The following ACCSL variants were observed in gnomAD, a reference collection of about 807,000 sequenced individuals.
ACCSL encodes probable inactive 1-aminocyclopropane-1-carboxylate synthase-like protein 2.
In ACCSL, 55 loss-of-function variants were observed where a neutral mutation model predicts 61.7. The observed-to-expected ratio is 0.89, with a 90% CI of 0.72 to 1.12. The LOEUF is 1.12. Among genes scored for constraint, ACCSL ranks in the 50% most tolerant of loss-of-function variants. The probability of loss-of-function intolerance (pLI) is 0.00; values close to 1 mark genes in which losing one functional copy is unlikely to be tolerated. For synonymous variants in ACCSL, 258 were observed against 264.3 expected, an observed-to-expected ratio of 0.98 and a Z score of 0.23; for missense variants, 632 against 698.0, an observed-to-expected ratio of 0.91 and a Z score of 1.07.
the ACCSL span, among the ~76,000 whole-genome samples, chr11:43,954,221 C>G: frequency 6.6e-6 from 1 of 152,102 alleles, no homozygotes; most frequent in Non-Finnish European, 1.5e-5. Context: ...AGTATCATAC[C>G]GAAGCGGCCT....
chr11:43,925,205 TC>T, the ACCSL span: 1 of 330,558 alleles, frequency 3.0e-6, no homozygotes, highest in Admixed American at 3.7e-5. Context: ...GCTGGTGAAC[TC>T]CCGTGCACAT....
the ACCSL span, among the ~76,000 whole-genome samples, chr11:43,939,104 T>G: frequency 6.6e-6 from 1 of 152,220 alleles, no homozygotes; most frequent in African/African-American, 2.4e-5. Context: ...AATATTTTGC[T>G]AAAAGCAACA....
chr11:43,995,786 A>C, the ACCSL span, among the ~76,000 whole-genome samples: 1,373 of 152,320 alleles, frequency 9.0e-3, 8 homozygotes, highest in African/African-American at 0.03. Context: ...GCCAGACCAC[A>C]CAGGGCCAAA....
At position 44,056,232 on chromosome 11, in the gene ACCSL, CAAGG is replaced by C. The variant is rs1565159952; in HGVS notation, c.1235_1238del (p.Lys412ArgfsTer6). ...GCTTTGGTGCTCTGTATACCCACAA[CAAGG>C]AGGTGGCCTCTGCTGTGAGTGCCTT... On this transcript the variant is annotated frameshift_variant, in exon 11 of 14. Coordinates refer to ENST00000378832, the MANE Select transcript of ACCSL (RefSeq NM_001031854.2). LOFTEE classifies it high-confidence loss of function. 6.2e-7 allele frequency: 1 copy of C among 1,614,114 alleles called. No homozygotes were observed. Among genetic ancestry groups the C allele is most frequent in the South Asian group, 1.1e-5 (1 of 91,088 alleles).
chr11:44,048,621 AT>A, intron 1 of ACCSL, 81 bp downstream of exon 1: 1 of 1,358,502 alleles, frequency 7.4e-7, no homozygotes, highest in Non-Finnish European at 1.0e-6. Context: ...GCCAAGTGCT[AT>A]ATATGCTCTC....
the ACCSL span, among the ~76,000 whole-genome samples, chr11:43,961,254 G>T: frequency 4.1e-4 from 63 of 151,984 alleles, no homozygotes; most frequent in African/African-American, 1.4e-3. Flanking sequence ...ATGAAGATAT[G>T]GTGTGCTTAC....
Position 44,056,346 on chromosome 11 carries a change from A to G in ACCSL, c.1327+20A>G, listed in dbSNP as rs769425348. The G allele has an allele frequency of 5.6e-6, 9 of 1,608,056 alleles. No individual in the cohort carries two copies. The highest frequency in any genetic ancestry group is 7.6e-6 in the Non-Finnish European group (9 of 1,177,206). ...ACACAGGTACTGAGCTCTAGCACAG[A>G]CCAGCATGTTGGCTGGACCTCATGG... is the stretch of plus-strand genomic sequence containing the variant. On this transcript the variant is annotated intron_variant, in intron 11 of 13. Transcript: ENST00000378832.
the ACCSL span, among the ~76,000 whole-genome samples, chr11:44,008,741 T>G: frequency 6.6e-6 from 1 of 152,178 alleles, no homozygotes; most frequent in Non-Finnish European, 1.5e-5. Context: ...AGGCACCTAG[T>G]GACATGTGCT....
the ACCSL span, among the ~76,000 whole-genome samples, chr11:43,987,917 G>A: frequency 6.6e-6 from 1 of 152,142 alleles, no homozygotes; most frequent in Non-Finnish European, 1.5e-5. Context: ...TTCAGACAAT[G>A]CTTCTTCCCC....
the ACCSL span, among the ~76,000 whole-genome samples, chr11:43,987,124 T>G: frequency 6.6e-6 from 1 of 152,172 alleles, no homozygotes; most frequent in Non-Finnish European, 1.5e-5. Flanking sequence ...AATGGATCCT[T>G]GACTCCCCTG....
intron 3 of ACCSL, among the ~76,000 whole-genome samples, chr11:44,050,823 T>C (rs974540969): frequency 2.6e-5 from 4 of 151,388 alleles, no homozygotes; most frequent in African/African-American, 9.7e-5. Flanking sequence ...GTAGGAATAA[T>C]TCAAAAGGCC....
chr11:43,929,068 C>G, the ACCSL span, among the ~76,000 whole-genome samples: 31 of 152,210 alleles, frequency 2.0e-4, no homozygotes, highest in African/African-American at 7.2e-4. Context: ...TGGCCTTTGG[C>G]AAATTCTTAG....
chr11:44,044,910 G>T (rs1952589905), upstream of ACCSL, among the ~76,000 whole-genome samples: 1 of 152,188 alleles, frequency 6.6e-6, no homozygotes, highest in Non-Finnish European at 1.5e-5. Flanking sequence ...TGGAAAGGTA[G>T]ATGGTGGGAG....
the ACCSL span, among the ~76,000 whole-genome samples, chr11:43,970,868 G>C: frequency 6.6e-6 from 1 of 152,208 alleles, no homozygotes; most frequent in Non-Finnish European, 1.5e-5. Context: ...CTGCATCTAA[G>C]AGCAGGGCCT....
the ACCSL span, among the ~76,000 whole-genome samples, chr11:43,998,622 A>T: frequency 6.6e-6 from 1 of 152,234 alleles, no homozygotes; most frequent in Non-Finnish European, 1.5e-5. Flanking sequence ...TTAAAAATTT[A>T]CTTAATGAAT....
the ACCSL span, among the ~76,000 whole-genome samples, chr11:43,929,184 G>A: frequency 6.6e-6 from 1 of 152,178 alleles, no homozygotes; most frequent in Non-Finnish European, 1.5e-5. Flanking sequence ...GTGTGAATGC[G>A]AAGGAAAGAG....
rs753267297 is a variant in ACCSL, at chr11:44,052,804, A to G, written c.870+45A>G. On this transcript the variant is annotated intron_variant, in intron 6 of 13. Transcript: ENST00000378832. ...CCTGCTCAGTATGCCTAGACAATGG[A>G]CTGTTCTGGGGACACCTAAAGGGGT... 3 of 1,575,140 alleles carry G rather than the reference A, an allele frequency of 1.9e-6. No homozygotes were observed. The South Asian group carries it at 3.3e-5, about 17-fold the overall frequency.
At chr11:44,011,934 T>G in the ACCSL span, among the ~76,000 whole-genome samples, 1 of 152,198 alleles carries the variant, frequency 6.6e-6, no homozygotes, top group East Asian at 1.9e-4. Context: ...ATTTGTGCAA[T>G]GAATACTTGC....
At chr11:43,963,882 C>A in the ACCSL span, among the ~76,000 whole-genome samples, 4 of 152,112 alleles carry the variant, frequency 2.6e-5, no homozygotes, top group Non-Finnish European at 5.9e-5. Flanking sequence ...TAACTCCTTG[C>A]CAATGTACTT....
Sources: allele counts gnomAD v4.1 joint callset (sites outside exome capture counted in the v4.1 genomes callset), GRCh38; gene constraint gnomAD v4.1.1; transcripts MANE v1.5; gene names NCBI Gene and HGNC (gene_info 2026-07-23, HGNC 2026-07-21).